The following CLIP2 variants were observed in gnomAD, a reference collection of about 807,000 sequenced individuals.
The protein encoded by CLIP2 is CAP-Gly domain containing linker protein 2, also known as CAP-Gly domain-containing linker protein 2.
A neutral mutation model predicts 111.7 loss-of-function variants in CLIP2; 41 were observed. That is an observed-to-expected ratio of 0.37 (90% CI 0.29 to 0.48). The LOEUF is 0.48. Ranked by LOEUF, CLIP2 falls within the 20% of genes least tolerant of loss-of-function variation. CLIP2 has a pLI of 0.99. For missense variants in CLIP2, 1,160 were observed against 1,422.1 expected (o/e 0.82, Z 2.96); for synonymous variants, 660 against 644.2 (o/e 1.02, Z -0.37).
chr7:74,364,238 C>A lies in CLIP2; in HGVS notation c.1320-17C>A. On this transcript the variant is annotated splice_polypyrimidine_tract_variant and intron_variant, in intron 7 of 16. Coordinates refer to ENST00000223398, the MANE Select transcript of CLIP2 (RefSeq NM_003388.5). ...CTGGGCAAAGCCAGGTCAGCCACCT[C>A]TTTCCCTCCCCTGCAGGAAGGTGGA... 4.3e-6 allele frequency: 7 copies of A among 1,611,210 alleles called. No individual in the cohort carries two copies. Among genetic ancestry groups the A allele is most frequent in the Non-Finnish European group, 5.9e-6 (7 of 1,178,774 alleles).
At chr7:74,320,875 G>A (rs1210981281) in intron 2 of CLIP2, among the ~76,000 whole-genome samples, 1 of 152,172 alleles carries the variant, frequency 6.6e-6, no homozygotes, top group Non-Finnish European at 1.5e-5. Context: ...TTGGTCCAGT[G>A]AGGAGTGAGG....
intron 1 of CLIP2, among the ~76,000 whole-genome samples, chr7:74,296,037 A>G (rs1788161453): frequency 6.6e-6 from 1 of 152,058 alleles, no homozygotes; most frequent in East Asian, 1.9e-4. Flanking sequence ...ATCAAGTTCA[A>G]ATGAGGTCAT....
intron 13 of CLIP2, among the ~76,000 whole-genome samples, chr7:74,391,587 A>C (rs10807670): frequency 0.84 from 128,164 of 152,014 alleles, 54,633 homozygotes; most frequent in Middle Eastern, 0.96. Context: ...TGGGAGGCCA[A>C]GGCAGGCAGA....
Position 74,336,622 on chromosome 7 carries a change from A to C in CLIP2, c.122-1826A>C, listed in dbSNP as rs1282405051. ...TAAGCTCCCACTGGGTACCTCCCAA[A>C]ACGTGGAAATTATGGGAGCTACAAT... On this transcript the variant is annotated intron_variant, in intron 2 of 16. Transcript: ENST00000223398. Among the ~76,000 whole-genome samples the C allele has an allele frequency of 2.0e-5, 3 of 152,220 alleles. No individual in the cohort carries two copies. The East Asian group carries it at 5.8e-4, about 29-fold the overall frequency.
At chr7:74,371,045 C>T (rs1244592416) in intron 8 of CLIP2, among the ~76,000 whole-genome samples, 2 of 151,928 alleles carry the variant, frequency 1.3e-5, no homozygotes, top group Non-Finnish European at 2.9e-5. Flanking sequence ...GTCAGAGGTT[C>T]AAGACCAGCA....
intron 2 of CLIP2, among the ~76,000 whole-genome samples, chr7:74,322,055 G>A (rs1788972592): frequency 1.4e-5 from 2 of 141,500 alleles, no homozygotes; most frequent in African/African-American, 2.6e-5. Context: ...ACGATCTCAC[G>A]ATCTCAGCTG....
intron 11 of CLIP2, 86 bp from the exon 12 acceptor site, chr7:74,386,435 G>A (rs1554314791): frequency 7.5e-6 from 8 of 1,071,544 alleles, no homozygotes; most frequent in Non-Finnish European, 9.6e-6. Flanking sequence ...CCCCGTCACA[G>A]AGCTCCTGTG....
intron 8 of CLIP2, among the ~76,000 whole-genome samples, chr7:74,369,038 G>T (rs1790534595): frequency 6.6e-6 from 1 of 152,182 alleles, no homozygotes; most frequent in Admixed American, 6.5e-5. Flanking sequence ...AGCATAGTGA[G>T]ACCCCATCTC....
At chr7:74,326,976 G>A (rs963077400) in intron 2 of CLIP2, among the ~76,000 whole-genome samples, 2 of 151,824 alleles carry the variant, frequency 1.3e-5, no homozygotes, top group South Asian at 2.1e-4. Context: ...TGACACCCAG[G>A]CTGGAGTGCA....
At chr7:74,402,242 A>G (rs2116718054) in intron 16 of CLIP2, among the ~76,000 whole-genome samples, 1 of 150,378 alleles carries the variant, frequency 6.6e-6, no homozygotes, top group Middle Eastern at 3.4e-3. Context: ...AGGCAGGATA[A>G]TGGCATGAAC....
intron 13 of CLIP2, among the ~76,000 whole-genome samples, chr7:74,393,293 G>T (rs1791348437): frequency 6.6e-6 from 1 of 151,826 alleles, no homozygotes; most frequent in Admixed American, 6.6e-5. Context: ...CTCCCAAAGT[G>T]CTGGGAGTAC....
chr7:74,326,258 C>T (rs1251345903), intron 2 of CLIP2, among the ~76,000 whole-genome samples: 1 of 152,086 alleles, frequency 6.6e-6, no homozygotes, highest in African/African-American at 2.4e-5. Flanking sequence ...AAAGATGAGA[C>T]CACCGAGGCT....
intron 3 of CLIP2, among the ~76,000 whole-genome samples, chr7:74,346,073 G>T (rs1554306182): frequency 6.6e-6 from 1 of 151,904 alleles, no homozygotes; most frequent in Non-Finnish European, 1.5e-5. Flanking sequence ...CAAACTCCTG[G>T]GTTCAAGCGA....
At chr7:74,346,357 A>G (rs1789795889) in intron 3 of CLIP2, among the ~76,000 whole-genome samples, 1 of 152,132 alleles carries the variant, frequency 6.6e-6, no homozygotes, top group African/African-American at 2.4e-5. Context: ...GAAACCCTAG[A>G]TGTTCAGTAA....
intron 1 of CLIP2, among the ~76,000 whole-genome samples, chr7:74,311,712 C>A (rs182930087): frequency 5.3e-5 from 8 of 152,112 alleles, no homozygotes; most frequent in Non-Finnish European, 1.0e-4. Context: ...GAGTTTGAGA[C>A]CAGCCTGGGC....
At chr7:74,300,269 G>A (rs1045420595) in intron 1 of CLIP2, among the ~76,000 whole-genome samples, 5 of 151,976 alleles carry the variant, frequency 3.3e-5, no homozygotes, top group Non-Finnish European at 7.4e-5. Flanking sequence ...TTACAGGCAT[G>A]AGCCCCCACA....
intron 2 of CLIP2, among the ~76,000 whole-genome samples, chr7:74,324,677 C>A (rs1554730466): frequency 6.6e-6 from 1 of 152,082 alleles, no homozygotes; most frequent in Non-Finnish European, 1.5e-5. Context: ...CCGGCTGCTG[C>A]CTTTGCAGGG....
At chr7:74,379,591 C>T (rs1326099513) in intron 10 of CLIP2, among the ~76,000 whole-genome samples, 3 of 151,922 alleles carry the variant, frequency 2.0e-5, no homozygotes, top group Admixed American at 1.3e-4. Flanking sequence ...GGTGAAAACC[C>T]GTCTCTACTA....
intron 1 of CLIP2, among the ~76,000 whole-genome samples, chr7:74,308,588 T>C (rs797033253): frequency 3.3e-5 from 5 of 152,140 alleles, no homozygotes; most frequent in African/African-American, 1.2e-4. Context: ...CACTGCAACC[T>C]CCGCCTTCCG....
Sources: allele counts gnomAD v4.1 joint callset (sites outside exome capture counted in the v4.1 genomes callset), GRCh38; gene constraint gnomAD v4.1.1; transcripts MANE v1.5; gene names NCBI Gene and HGNC (gene_info 2026-07-23, HGNC 2026-07-21).